IGF1R: variants seen among roughly 807,000 people sequenced by gnomAD.
IGF1R encodes insulin-like growth factor 1 receptor.
IGF1R carries 44 observed loss-of-function variants against 144.6 expected under a neutral mutation model. The ratio of observed to expected loss-of-function variants is 0.30; its 90% CI spans 0.24 to 0.39. The LOEUF (loss-of-function observed/expected upper bound fraction) is 0.39. IGF1R is among the 10% of genes least tolerant of loss of function. The pLI is 1.00. For synonymous variants in IGF1R, 795 were observed against 722.8 expected (o/e 1.10, Z -1.60); for missense variants, 1,355 against 1,833.7 (o/e 0.74, Z 4.77).
chr15:98,921,197 C>T (rs1437873148), intron 10 of IGF1R, among the ~76,000 whole-genome samples: 1 of 152,180 alleles, frequency 6.6e-6, no homozygotes, highest in African/African-American at 2.4e-5. Context: ...GCCCTTTCTC[C>T]ATCTGGGTGC....
intron 19 of IGF1R, among the ~76,000 whole-genome samples, chr15:98,946,863 G>T (rs1490583150): frequency 6.6e-6 from 1 of 152,250 alleles, no homozygotes; most frequent in Non-Finnish European, 1.5e-5. Flanking sequence ...GGTCTGGGAG[G>T]GAGCCACATC....
intron 5 of IGF1R, 30 bp from the exon 6 acceptor site, chr15:98,908,655 G>A (rs1395720490): frequency 2.5e-6 from 4 of 1,588,066 alleles, no homozygotes; most frequent in Non-Finnish European, 3.5e-6. Flanking sequence ...CCAAGGGCAG[G>A]TGCGCTAACA....
intron 1 of IGF1R, among the ~76,000 whole-genome samples, chr15:98,691,904 ATGT>A (rs2053486170): frequency 6.6e-6 from 1 of 152,202 alleles, no homozygotes; most frequent in African/African-American, 2.4e-5. Flanking sequence ...TTTTTGGCAG[ATGT>A]TGTCCTTCAA....
intron 2 of IGF1R, among the ~76,000 whole-genome samples, chr15:98,721,982 G>A (rs116856069): frequency 8.0e-4 from 122 of 152,282 alleles, no homozygotes; most frequent in South Asian, 1.7e-3. Context: ...CCATAGAGAG[G>A]GAGACTGGGG....
intron 2 of IGF1R, among the ~76,000 whole-genome samples, chr15:98,762,589 G>T (rs191766605): frequency 1.3e-5 from 2 of 151,982 alleles, no homozygotes; most frequent in African/African-American, 2.4e-5. Context: ...TTAGCTGGGC[G>T]TGGTGGCACG....
chr15:98,822,276 G>A (rs915925254), intron 2 of IGF1R, among the ~76,000 whole-genome samples: 5 of 152,208 alleles, frequency 3.3e-5, no homozygotes, highest in African/African-American at 7.2e-5. Context: ...TCGAAGGCCC[G>A]GGCGAAGTTT....
intron 20 of IGF1R, among the ~76,000 whole-genome samples, chr15:98,952,140 A>AC (rs2016798692): frequency 6.6e-6 from 1 of 152,176 alleles, no homozygotes; most frequent in South Asian, 2.1e-4. Context: ...AGCAGAAGGC[A>AC]CGACGTCCTT....
intron 2 of IGF1R, among the ~76,000 whole-genome samples, chr15:98,748,298 C>T (rs1397709959): frequency 3.3e-5 from 5 of 152,148 alleles, no homozygotes; most frequent in Non-Finnish European, 5.9e-5. Context: ...TCCTGAGTAG[C>T]TGGAACTACA....
At chr15:98,854,262 GCTC>G in intron 2 of IGF1R, among the ~76,000 whole-genome samples, 1 of 152,296 alleles carries the variant, frequency 6.6e-6, no homozygotes, top group South Asian at 2.1e-4. Flanking sequence ...AATAAAGTGT[GCTC>G]CAGTGATGTG....
At chr15:98,779,495 A>T (rs1230635626) in intron 2 of IGF1R, among the ~76,000 whole-genome samples, 1 of 152,208 alleles carries the variant, frequency 6.6e-6, no homozygotes, top group Admixed American at 6.5e-5. Flanking sequence ...CACCGTACAG[A>T]TGAGGAAACA....
intron 2 of IGF1R, among the ~76,000 whole-genome samples, chr15:98,882,445 G>A (rs1427262613): frequency 1.3e-5 from 2 of 152,256 alleles, no homozygotes; most frequent in African/African-American, 4.8e-5. Flanking sequence ...GTAAAGAAGT[G>A]TTTCAGATCA....
At chr15:98,689,578 G>A (rs2053425127) in intron 1 of IGF1R, among the ~76,000 whole-genome samples, 1 of 151,984 alleles carries the variant, frequency 6.6e-6, no homozygotes, top group Admixed American at 6.6e-5. Flanking sequence ...CCAGGGGTTT[G>A]TCATAGATTG....
intron 2 of IGF1R, among the ~76,000 whole-genome samples, chr15:98,736,801 G>T (rs140964289): frequency 6.1e-4 from 92 of 151,924 alleles, no homozygotes; most frequent in African/African-American, 2.1e-3. Context: ...TAGTAGAGAC[G>T]ACGTTTCACC....
At chr15:98,887,014 C>T (rs573218236) in intron 2 of IGF1R, among the ~76,000 whole-genome samples, 8 of 152,322 alleles carry the variant, frequency 5.3e-5, no homozygotes, top group African/African-American at 1.9e-4. Context: ...ATTGCTGCCC[C>T]CGCATAGAGC....
intron 2 of IGF1R, among the ~76,000 whole-genome samples, chr15:98,809,397 C>T (rs1215395315): frequency 3.3e-5 from 5 of 152,156 alleles, no homozygotes; most frequent in African/African-American, 7.2e-5. Context: ...CTGGGAGAGA[C>T]GCCATGGAGT....
chr15:98,882,205 C>T (rs970907359), intron 2 of IGF1R, among the ~76,000 whole-genome samples: 1 of 152,206 alleles, frequency 6.6e-6, no homozygotes, highest in African/African-American at 2.4e-5. Context: ...AAGCCGTGAC[C>T]GTCATCTTGG....
chr15:98,718,528 G>A lies in IGF1R; in HGVS notation c.640+10421G>A, dbSNP rs182401958. Among the ~76,000 whole-genome samples the A allele has an allele frequency of 5.4e-3, 827 of 152,348 alleles. 9 individuals are homozygous for A. The highest frequency in any genetic ancestry group is 0.019 in the African/African-American group (780 of 41,578). On this transcript the variant is annotated intron_variant, in intron 2 of 20. Transcript: ENST00000650285. ...AGGTGGGGCTGAGGGCAGCCAGTGT[G>A]ACTGAGGCTCGCTGGCCCACCCTGA...
intron 13 of IGF1R, among the ~76,000 whole-genome samples, chr15:98,928,756 A>G (rs2015825044): frequency 6.6e-6 from 1 of 152,056 alleles, no homozygotes; most frequent in African/African-American, 2.4e-5. Context: ...GTCCCACAGA[A>G]TGTTCCAGGG....
At chr15:98,726,016 G>A (rs1007739669) in intron 2 of IGF1R, among the ~76,000 whole-genome samples, 1 of 152,102 alleles carries the variant, frequency 6.6e-6, no homozygotes, top group Non-Finnish European at 1.5e-5. Flanking sequence ...ATTTGGGCGG[G>A]GACACAGCCA....
Sources: gnomAD v4.1 joint callset for allele counts (sites outside exome capture counted in the v4.1 genomes callset) on GRCh38, gnomAD v4.1.1 for gene constraint, MANE v1.5 for transcripts, NCBI Gene and HGNC (gene_info 2026-07-23, HGNC 2026-07-21) for gene names.